Variants in SCNN1B observed in about 807,000 individuals in gnomAD.
SCNN1B encodes epithelial sodium channel subunit beta.
In SCNN1B, 46 loss-of-function variants were observed where a neutral mutation model predicts 65.3. The ratio of observed to expected loss-of-function variants is 0.70; its 90% CI spans 0.56 to 0.90. The LOEUF is 0.90. Ranked by LOEUF, SCNN1B falls within the 40% of genes least tolerant of loss-of-function variation. The probability of loss-of-function intolerance (pLI) is 0.00; values close to 1 mark genes in which losing one functional copy is unlikely to be tolerated. For missense variants in SCNN1B, 751 were observed against 830.5 expected (o/e 0.90, Z 1.18); for synonymous variants, 349 against 330.6 (o/e 1.06, Z -0.60).
intron 1 of SCNN1B, among the ~76,000 whole-genome samples, chr16:23,282,426 G>T (rs1960796302): frequency 6.6e-6 from 1 of 152,188 alleles, no homozygotes; most frequent in Non-Finnish European, 1.5e-5. Flanking sequence ...TACAAAGGCT[G>T]AGGCTAAGAG....
chr16:23,332,507 T>C (rs1961834974), intron 1 of SCNN1B, among the ~76,000 whole-genome samples: 1 of 152,088 alleles, frequency 6.6e-6, no homozygotes, highest in African/African-American at 2.4e-5. Flanking sequence ...TCGTTTTTTA[T>C]TTTTTGTAGA....
chr16:23,325,978 G>A (rs1235077904), intron 1 of SCNN1B, among the ~76,000 whole-genome samples: 1 of 152,050 alleles, frequency 6.6e-6, no homozygotes, highest in African/African-American at 2.4e-5. Flanking sequence ...GGGAGACTGA[G>A]GTGGGAATAT....
intron 2 of SCNN1B, among the ~76,000 whole-genome samples, chr16:23,285,062 C>T (rs1017580585): frequency 6.6e-6 from 1 of 152,034 alleles, no homozygotes; most frequent in East Asian, 1.9e-4. Flanking sequence ...AATCCTGGAA[C>T]AGAAAAAACA....
chr16:23,318,112 G>GTGGTGAC (rs1448977826), intron 1 of SCNN1B, among the ~76,000 whole-genome samples: 2 of 152,340 alleles, frequency 1.3e-5, no homozygotes, highest in African/African-American at 4.8e-5. Flanking sequence ...TCTGGGCATT[G>GTGGTGAC]TGGTGACTGG....
chr16:23,285,684 CAAT>C (rs1960841146), intron 2 of SCNN1B, among the ~76,000 whole-genome samples: 1 of 151,920 alleles, frequency 6.6e-6, no homozygotes, highest in Non-Finnish European at 1.5e-5. Context: ...ATAAAAAATA[CAAT>C]AATAGTCTGG....
Position 23,319,068 on chromosome 16 carries a change from G to A in SCNN1B, c.-9+16631G>A, listed in dbSNP as rs185521725. 2.8e-3 allele frequency among the ~76,000 whole-genome samples: 425 copies of A among 149,836 alleles called. 13 individuals carry two copies. The highest frequency in any genetic ancestry group is 0.024 in the Admixed American group (365 of 15,040). On this transcript the variant is annotated intron_variant, in intron 1 of 12. Coordinates refer to ENST00000343070, the MANE Select transcript of SCNN1B (RefSeq NM_000336.3). ...TTGTTTTTTTTTTTTTTGAGACAGA[G>A]CCTCACTCTGTGCCCAGGCTGGAGT...
At chr16:23,359,959 T>C (rs1014281438) in intron 4 of SCNN1B, among the ~76,000 whole-genome samples, 1 of 152,190 alleles carries the variant, frequency 6.6e-6, no homozygotes, top group African/African-American at 2.4e-5. Context: ...TCCCAGCACT[T>C]TGGGAAGCCG....
In SCNN1B at chr16:23,374,238, C is replaced by T. The variant is rs557366504; in HGVS notation, c.1153-1500C>T. ...TTATGAGCGTGCCACTGCACCCCAG[C>T]CTGGGCAACAGAGTGAGACCCTGTC... On this transcript the variant is annotated intron_variant, in intron 7 of 12. Coordinates refer to ENST00000343070, the MANE Select transcript of SCNN1B (RefSeq NM_000336.3). 1.3e-3 allele frequency among the ~76,000 whole-genome samples: 166 copies of T among 130,098 alleles called. 1 individual carries two copies. The highest frequency in any genetic ancestry group is 2.7e-3 in the Admixed American group (28 of 10,392). The allele number at this position is 130,098 out of a possible 152,430, so 85.3% of individuals were successfully genotyped here.
intron 4 of SCNN1B, among the ~76,000 whole-genome samples, chr16:23,365,098 C>T (rs2142032555): frequency 6.6e-6 from 1 of 151,806 alleles, no homozygotes; most frequent in East Asian, 1.9e-4. Flanking sequence ...TTCACTCCAG[C>T]CTGGGGTGAA....
At chr16:23,343,617 A>AAGAAAGAAAGAAAGAAAGAAAGAAAG (rs1962117900) in intron 1 of SCNN1B, among the ~76,000 whole-genome samples, 1 of 127,030 alleles carries the variant, frequency 7.9e-6, no homozygotes, top group African/African-American at 3.1e-5. Context: ...GAAAGAAAGA[A>AAGAAAGAAAGAAAGAAAGAAAGAAAG]AGAAAGAAAG....
intron 7 of SCNN1B, among the ~76,000 whole-genome samples, chr16:23,374,650 G>A (rs73544474): frequency 0.03 from 4,450 of 150,514 alleles, 230 homozygotes; most frequent in African/African-American, 0.1. Flanking sequence ...TGGCCATGCC[G>A]TTTAATCTGC....
chr16:23,346,976 C>T (rs969992399), intron 1 of SCNN1B, among the ~76,000 whole-genome samples: 4 of 152,114 alleles, frequency 2.6e-5, no homozygotes, highest in Non-Finnish European at 5.9e-5. Flanking sequence ...CTCAAAGTCA[C>T]AAGCTAGGAA....
chr16:23,367,678 C>A (rs1962697574), intron 4 of SCNN1B, among the ~76,000 whole-genome samples, 178 bp from the exon 5 acceptor site: 1 of 152,234 alleles, frequency 6.6e-6, no homozygotes, highest in East Asian at 1.9e-4. Flanking sequence ...CCCTGCTTTC[C>A]CAAGGGAGCC....
intron 1 of SCNN1B, among the ~76,000 whole-genome samples, chr16:23,339,710 C>T (rs567026845): frequency 1.1e-4 from 16 of 152,084 alleles, no homozygotes; most frequent in East Asian, 7.7e-4. Flanking sequence ...GGATTACAGG[C>T]GTGTGGCACC....
At chr16:23,326,682 G>C (rs753075921) in intron 1 of SCNN1B, among the ~76,000 whole-genome samples, 9 of 152,080 alleles carry the variant, frequency 5.9e-5, no homozygotes, top group Non-Finnish European at 8.8e-5. Context: ...TGGCCAGCCT[G>C]GTTTCAAACT....
At chr16:23,316,601 AC>A (rs1488834964) in intron 1 of SCNN1B, among the ~76,000 whole-genome samples, 1 of 147,332 alleles carries the variant, frequency 6.8e-6, no homozygotes, top group Non-Finnish European at 1.5e-5. Flanking sequence ...CACCACCATC[AC>A]CATCATCACC....
chr16:23,281,127 T>C (rs1369087918), intron 1 of SCNN1B, among the ~76,000 whole-genome samples: 1 of 152,192 alleles, frequency 6.6e-6, no homozygotes, highest in Non-Finnish European at 1.5e-5. Context: ...GTAATAGCCA[T>C]TCCATAAAGA....
At chr16:23,297,345 T>G (rs1961012919), upstream of SCNN1B, among the ~76,000 whole-genome samples, 1 of 152,250 alleles carries the variant, frequency 6.6e-6, no homozygotes, top group Non-Finnish European at 1.5e-5. Context: ...TCCTCCTCAC[T>G]TCCTTCTTTT....
chr16:23,353,185 C>A, intron 3 of SCNN1B, 111 bp downstream of exon 3: 1 of 1,299,228 alleles, frequency 7.7e-7, no homozygotes, highest in Non-Finnish European at 1.1e-6. Context: ...AAGATGGAAG[C>A]CAGAGCCTGT....
Sources: gnomAD v4.1 joint callset for allele counts (sites outside exome capture counted in the v4.1 genomes callset) on GRCh38, gnomAD v4.1.1 for gene constraint, MANE v1.5 for transcripts, NCBI Gene and HGNC (gene_info 2026-07-23, HGNC 2026-07-21) for gene names.